Variants in ODAD2 observed in about 807,000 individuals in gnomAD.
ODAD2 encodes the protein outer dynein arm docking complex subunit 2.
In ODAD2, 89 loss-of-function variants were observed where a neutral mutation model predicts 106.8. The ratio of observed to expected loss-of-function variants is 0.83; its 90% CI spans 0.70 to 0.99. The LOEUF is 0.99. ODAD2 is among the 50% of genes least tolerant of loss of function. ODAD2 has a pLI of 0.00. For missense variants in ODAD2, 1,168 were observed against 1,238.5 expected (o/e 0.94, Z 0.85); for synonymous variants, 404 against 436.2 (o/e 0.93, Z 0.92).
intron 10 of ODAD2, among the ~76,000 whole-genome samples, chr10:27,959,836 T>C (rs1442110586): frequency 1.3e-5 from 2 of 152,170 alleles, no homozygotes; most frequent in African/African-American, 4.8e-5. Flanking sequence ...AGAGTTATGC[T>C]AAAAATTTCA....
rs1461192148 is a variant in ODAD2, at chr10:27,881,008, A to G, written c.2611-18386T>C. ...GTGAAAAAATTGGGGAGCACATCCT[A>G]GCATCCATCACTATCAGCAATGTGG... On this transcript the variant is annotated intron_variant, in intron 17 of 19. Transcript: ENST00000305242. Among the ~76,000 whole-genome samples, 5 of 152,176 alleles carry G rather than the reference A, an allele frequency of 3.3e-5. No individual in the cohort carries two copies. The East Asian group carries it at 5.8e-4, about 18-fold the overall frequency.
chr10:27,964,366 C>T (rs1277418331), intron 9 of ODAD2, among the ~76,000 whole-genome samples: 2 of 152,116 alleles, frequency 1.3e-5, no homozygotes, highest in Non-Finnish European at 1.5e-5. Context: ...GGTTTCCTCA[C>T]CTGCAAATTG....
intron 17 of ODAD2, among the ~76,000 whole-genome samples, chr10:27,885,701 TATAA>T (rs1842110115): frequency 3.5e-5 from 2 of 57,572 alleles, no homozygotes; most frequent in Non-Finnish European, 6.3e-5. Context: ...ATATAATATA[TATAA>T]AATATATATT....
chr10:27,880,733 C>T (rs1203281929), intron 17 of ODAD2, among the ~76,000 whole-genome samples: 1 of 152,212 alleles, frequency 6.6e-6, no homozygotes, highest in Non-Finnish European at 1.5e-5. Flanking sequence ...TCACCAGACA[C>T]CAATGCCAGT....
At chr10:27,864,806 A>G (rs1840323506) in intron 17 of ODAD2, among the ~76,000 whole-genome samples, 1 of 152,098 alleles carries the variant, frequency 6.6e-6, no homozygotes. Context: ...AATAATTCAC[A>G]TCTTTTGCAT....
chr10:27,850,136 G>A (rs540458332), intron 19 of ODAD2, among the ~76,000 whole-genome samples: 2 of 152,212 alleles, frequency 1.3e-5, no homozygotes, highest in South Asian at 2.1e-4. Flanking sequence ...CCTCGTCTGC[G>A]AACTGTGTGT....
chr10:27,843,230 TTAAAA>T (rs549885644), intron 19 of ODAD2, among the ~76,000 whole-genome samples: 272 of 152,308 alleles, frequency 1.8e-3, no homozygotes, highest in Non-Finnish European at 3.1e-3. Context: ...GTACAAAGTC[TTAAAA>T]TAAAAACAGC....
chr10:27,974,693 T>G (rs1049791470), intron 7 of ODAD2, among the ~76,000 whole-genome samples: 21 of 151,672 alleles, frequency 1.4e-4, no homozygotes, highest in Non-Finnish European at 2.4e-4. Flanking sequence ...GTTTTTGTTT[T>G]TTTTTTTTTT....
In ODAD2 at chr10:27,963,589, T is replaced by C. The variant is rs1848289615; in HGVS notation, c.1239-1874A>G. Among the ~76,000 whole-genome samples, 4 of 152,164 alleles carry C rather than the reference T, an allele frequency of 2.6e-5. No homozygotes were observed. The South Asian group carries it at 8.3e-4, about 32-fold the overall frequency. On this transcript the variant is annotated intron_variant, in intron 9 of 19. Transcript: ENST00000305242. The stretch of plus-strand genomic sequence containing the variant: ...GAAATCCAAAAAGCTCTGAAAACTA[T>C]TTTTCCCCCCACTGGACTTAACTTG...
At chr10:27,929,181 CATT>C (rs1845449451) in intron 16 of ODAD2, among the ~76,000 whole-genome samples, 1 of 152,106 alleles carries the variant, frequency 6.6e-6, no homozygotes, top group African/African-American at 2.4e-5. Context: ...AAATAACAAT[CATT>C]AGCTGCTTAG....
rs1269186904 is a variant in ODAD2, at chr10:27,940,709, C to T, written c.1840G>A (p.Ala614Thr). ...TGACTCTTACTGCAGCTCCACAGGG[C>T]CAGTGCCCCACAGCGAGCCACTTCC... ...DVEVARCGAL[A>T]LWSCSKSHTN... The change falls in exon 13 of 20, where the codon GCC becomes ACC. Residue 614 changes from alanine (A) to threonine (T), a missense_variant. Around this residue, in one of 3 missense-constraint regions of ODAD2, gnomAD observed 701 missense variants for 712.3 expected, o/e 0.98. Coordinates refer to ENST00000305242, the MANE Select transcript of ODAD2 (RefSeq NM_018076.5). 3 of 1,614,130 alleles carry T rather than the reference C, an allele frequency of 1.9e-6. No individual in the cohort carries two copies. The highest frequency in any genetic ancestry group is 2.5e-6 in the Non-Finnish European group (3 of 1,180,008).
intron 19 of ODAD2, chr10:27,853,490 T>A: frequency 5.9e-6 from 1 of 168,596 alleles, no homozygotes; most frequent in Non-Finnish European, 1.3e-5. Flanking sequence ...AACTTTAGTA[T>A]GCTAATATTA....
intron 16 of ODAD2, among the ~76,000 whole-genome samples, chr10:27,910,721 C>A (rs1843948937): frequency 6.6e-6 from 1 of 152,062 alleles, no homozygotes; most frequent in Non-Finnish European, 1.5e-5. Context: ...TGCGCCACTG[C>A]ACTCTAGCCT....
At chr10:27,843,370 C>T (rs553314433) in intron 19 of ODAD2, among the ~76,000 whole-genome samples, 8 of 152,264 alleles carry the variant, frequency 5.3e-5, no homozygotes, top group Non-Finnish European at 8.8e-5. Context: ...GCAATTGTAG[C>T]GGATGGTGTA....
chr10:27,999,259 TCGG>T (rs1261267642), upstream of ODAD2, among the ~76,000 whole-genome samples: 2 of 151,902 alleles, frequency 1.3e-5, no homozygotes, highest in Admixed American at 1.3e-4. Flanking sequence ...AGTTGCGGGG[TCGG>T]CGGCAAGTTA....
At chr10:27,816,188 C>T (rs1836120929) in intron 19 of ODAD2, among the ~76,000 whole-genome samples, 1 of 152,164 alleles carries the variant, frequency 6.6e-6, no homozygotes, top group South Asian at 2.1e-4. Context: ...TTCCCACTGT[C>T]CCTGCACCCT....
At chr10:27,901,689 C>A (rs553181819) in intron 17 of ODAD2, among the ~76,000 whole-genome samples, 1 of 151,972 alleles carries the variant, frequency 6.6e-6, no homozygotes, top group Non-Finnish European at 1.5e-5. Flanking sequence ...AGACTTTAAA[C>A]CAACAAAGAT....
In ODAD2 at chr10:27,902,708, TA is replaced by T. The variant is rs550112692; in HGVS notation, c.2610+4954del. 2.4e-4 allele frequency among the ~76,000 whole-genome samples: 36 copies of T among 152,210 alleles called. 1 individual carries two copies. The South Asian group carries it at 5.8e-3, about 25-fold the overall frequency. The stretch of plus-strand genomic sequence containing the variant: ...AACTAGAAAATCGAGAAGAAATGGA[TA>T]AATTCCTGGACACATACACCCTCCC... On this transcript the variant is annotated intron_variant, in intron 17 of 19. Coordinates refer to ENST00000305242, the MANE Select transcript of ODAD2 (RefSeq NM_018076.5).
intron 10 of ODAD2, among the ~76,000 whole-genome samples, chr10:27,954,836 G>C (rs1174292061): frequency 6.6e-6 from 1 of 152,090 alleles, no homozygotes; most frequent in Non-Finnish European, 1.5e-5. Context: ...ATTCTTTTGT[G>C]GGCAATATAA....
Sources: gnomAD v4.1 joint callset for allele counts (sites outside exome capture counted in the v4.1 genomes callset) on GRCh38, gnomAD v4.1.1 for gene constraint, gnomAD v4.1.1 regional missense constraint, MANE v1.5 for transcripts, NCBI Gene and HGNC (gene_info 2026-07-23, HGNC 2026-07-21) for gene names.